The following RAD51B variants were observed in gnomAD, a reference collection of about 807,000 sequenced individuals.
RAD51B encodes DNA repair protein RAD51 homolog 2.
Under a neutral mutation model 42.2 loss-of-function variants are expected in RAD51B, and 38 were observed. The observed-to-expected ratio is 0.90, with a 90% CI of 0.70 to 1.18. The LOEUF is 1.18. Ranked by LOEUF, RAD51B falls within the 50% of genes most tolerant of loss-of-function variation. The pLI is 0.00. For missense variants in RAD51B, 373 were observed against 400.7 expected (o/e 0.93, Z 0.59); for synonymous variants, 154 against 145.2 (o/e 1.06, Z -0.43).
intron 10 of RAD51B, among the ~76,000 whole-genome samples, chr14:68,632,833 T>A (rs972653016): frequency 6.6e-6 from 1 of 152,020 alleles, no homozygotes; most frequent in Non-Finnish European, 1.5e-5. Flanking sequence ...TGGAGTGCAG[T>A]GGTACGATCA....
intron 7 of RAD51B, among the ~76,000 whole-genome samples, chr14:68,040,072 A>C (rs1418152035): frequency 1.3e-5 from 2 of 152,246 alleles, no homozygotes; most frequent in Non-Finnish European, 2.9e-5. Flanking sequence ...TGTTTCCCTT[A>C]ATCTTATGGA....
At chr14:68,415,146 C>A (rs922669790) in intron 9 of RAD51B, among the ~76,000 whole-genome samples, 3 of 149,252 alleles carry the variant, frequency 2.0e-5, no homozygotes, top group Non-Finnish European at 4.4e-5. Flanking sequence ...CCAGTTAAAT[C>A]AAAATCTCTG....
intron 7 of RAD51B, among the ~76,000 whole-genome samples, chr14:68,074,271 T>C (rs980003350): frequency 6.6e-6 from 1 of 152,202 alleles, no homozygotes; most frequent in African/African-American, 2.4e-5. Flanking sequence ...TTTGAAGAAC[T>C]AGTCTTTGAG....
chr14:68,063,797 G>A (rs908538645), intron 7 of RAD51B, among the ~76,000 whole-genome samples: 3 of 152,086 alleles, frequency 2.0e-5, no homozygotes, highest in Non-Finnish European at 4.4e-5. Context: ...GCATATAGTC[G>A]GATCTTGTTT....
chr14:67,899,708 T>C (rs1329225507), intron 7 of RAD51B, among the ~76,000 whole-genome samples: 1 of 152,260 alleles, frequency 6.6e-6, no homozygotes, highest in Non-Finnish European at 1.5e-5. Context: ...AAGAAATAGC[T>C]ACATCTTATT....
intron 10 of RAD51B, among the ~76,000 whole-genome samples, chr14:68,577,158 A>C (rs996930360): frequency 2.0e-5 from 3 of 152,198 alleles, no homozygotes; most frequent in South Asian, 2.1e-4. Context: ...CTTTAGCCTA[A>C]AAACAGAGGG....
intron 10 of RAD51B, among the ~76,000 whole-genome samples, chr14:68,504,662 CTTTTTTTTTTTTTT>C (rs57967320): frequency 0.023 from 2,121 of 90,582 alleles, 96 homozygotes; most frequent in African/African-American, 0.082. Flanking sequence ...TTTTTTCTTT[CTTTTTTTTTTTTTT>C]TTTTTTTTTT....
At chr14:68,161,701 T>C (rs1235658945) in intron 7 of RAD51B, among the ~76,000 whole-genome samples, 1 of 152,230 alleles carries the variant, frequency 6.6e-6, no homozygotes, top group African/African-American at 2.4e-5. Context: ...TTCACGAGGC[T>C]GCATAGCTAA....
chr14:68,607,762 G>A (rs1342179796), intron 10 of RAD51B, among the ~76,000 whole-genome samples: 1 of 152,176 alleles, frequency 6.6e-6, no homozygotes, highest in Non-Finnish European at 1.5e-5. Context: ...CCCCGGGGAG[G>A]CGCACTCTAA....
At chr14:68,244,518 C>G (rs2080455257) in intron 7 of RAD51B, among the ~76,000 whole-genome samples, 2 of 152,200 alleles carry the variant, frequency 1.3e-5, no homozygotes, top group Non-Finnish European at 2.9e-5. Flanking sequence ...AGTGATTCCT[C>G]TGGCCCATAG....
At chr14:67,956,498 GAAATA>G (rs61449852) in intron 7 of RAD51B, among the ~76,000 whole-genome samples, 2 of 151,424 alleles carry the variant, frequency 1.3e-5, no homozygotes, top group Middle Eastern at 3.4e-3. Flanking sequence ...GAAATGAAAT[GAAATA>G]AAATAAAATA....
At position 67,916,768 on chromosome 14, in the gene RAD51B, GTTA is replaced by G. The variant is rs954608556; in HGVS notation, c.756+29571_756+29573del. On this transcript the variant is annotated intron_variant, in intron 7 of 10. Coordinates refer to ENST00000471583, the MANE Select transcript of RAD51B (RefSeq NM_133510.4). ...CCTTACTTCCTTCATGTATAAAGTA[GTTA>G]TTATTACTTAATTCAACAAATATTA... 8.0e-4 allele frequency among the ~76,000 whole-genome samples: 122 copies of G among 152,232 alleles called. 1 individual carries two copies. The highest frequency in any genetic ancestry group is 2.9e-3 in the African/African-American group (120 of 41,550).
intron 7 of RAD51B, among the ~76,000 whole-genome samples, chr14:68,204,235 G>A (rs2079543407): frequency 6.6e-6 from 1 of 152,104 alleles, no homozygotes; most frequent in Non-Finnish European, 1.5e-5. Flanking sequence ...ACACTTAGAG[G>A]CTATTGTAAG....
intron 9 of RAD51B, among the ~76,000 whole-genome samples, chr14:68,458,592 A>G (rs1046128765): frequency 9.9e-5 from 15 of 151,752 alleles, no homozygotes; most frequent in Non-Finnish European, 2.2e-4. Context: ...GAGCATAATG[A>G]TATTCTATGA....
intron 10 of RAD51B, among the ~76,000 whole-genome samples, chr14:68,515,599 C>T (rs570265290): frequency 6.6e-6 from 1 of 151,044 alleles, no homozygotes; most frequent in East Asian, 1.9e-4. Context: ...CAGGTGTGCA[C>T]CACCATTCCT....
intron 7 of RAD51B, among the ~76,000 whole-genome samples, chr14:68,055,023 G>A (rs1448325510): frequency 6.6e-6 from 1 of 152,124 alleles, no homozygotes; most frequent in Non-Finnish European, 1.5e-5. Flanking sequence ...CAGTGTTGAT[G>A]GTGGTGTGAA....
At chr14:68,067,465 GA>G (rs35062985) in intron 7 of RAD51B, among the ~76,000 whole-genome samples, 27,624 of 95,364 alleles carry the variant, frequency 0.29, 2,923 homozygotes, top group Middle Eastern at 0.46. Flanking sequence ...CTCCATCTCG[GA>G]AAAAAAAAAA....
chr14:67,990,767 A>G (rs2075282488), intron 7 of RAD51B, among the ~76,000 whole-genome samples: 1 of 152,174 alleles, frequency 6.6e-6, no homozygotes, highest in South Asian at 2.1e-4. Flanking sequence ...ATTTTTTTTA[A>G]CTAAAAATAT....
intron 7 of RAD51B, among the ~76,000 whole-genome samples, chr14:68,160,980 C>T (rs918897356): frequency 3.3e-5 from 5 of 152,188 alleles, no homozygotes; most frequent in African/African-American, 4.8e-5. Flanking sequence ...AAAGCCAAGA[C>T]GTGAGTTCTT....
Sources: gnomAD v4.1 joint callset for allele counts (sites outside exome capture counted in the v4.1 genomes callset) on GRCh38, gnomAD v4.1.1 for gene constraint, MANE v1.5 for transcripts, NCBI Gene and HGNC (gene_info 2026-07-23, HGNC 2026-07-21) for gene names.